MYH11: variants seen among roughly 807,000 people sequenced by gnomAD.
MYH11 encodes the protein myosin-11.
Under a neutral mutation model 246.6 loss-of-function variants are expected in MYH11, and 80 were observed. That is an observed-to-expected ratio of 0.32 (90% CI 0.27 to 0.39). The LOEUF is 0.39. Among genes scored for constraint, MYH11 ranks in the 10% least tolerant of loss-of-function variants. MYH11 has a pLI of 1.00. For synonymous variants in MYH11, 1,071 were observed against 1,015.5 expected, an observed-to-expected ratio of 1.05 and a Z score of -1.04; for missense variants, 2,158 against 2,546.8, an observed-to-expected ratio of 0.85 and a Z score of 3.29.
At chr16:15,803,345 T>C (rs999174950) in intron 3 of MYH11, among the ~76,000 whole-genome samples, 55 of 151,300 alleles carry the variant, frequency 3.6e-4, no homozygotes, top group Admixed American at 7.2e-4. Context: ...GGCTCGATCT[T>C]GGCTCACTGC....
At chr16:15,761,705 G>A (rs1197493210) in intron 10 of MYH11, among the ~76,000 whole-genome samples, 2 of 151,964 alleles carry the variant, frequency 1.3e-5, no homozygotes, top group African/African-American at 4.8e-5. Context: ...GTGATTTTAG[G>A]ATTTTTTTTT....
At chr16:15,804,640 A>C (rs1463120143) in intron 3 of MYH11, among the ~76,000 whole-genome samples, 3 of 152,220 alleles carry the variant, frequency 2.0e-5, no homozygotes, top group African/African-American at 4.8e-5. Flanking sequence ...TGTCACCCCC[A>C]AATGAAACCC....
intron 14 of MYH11, among the ~76,000 whole-genome samples, chr16:15,754,463 T>C (rs545574133): frequency 1.3e-5 from 2 of 152,080 alleles, no homozygotes; most frequent in Non-Finnish European, 2.9e-5. Flanking sequence ...ATCAGGATAA[T>C]AGGTAGGCTT....
At chr16:15,754,654 TTTTGTTTG>T (rs890905305) in intron 14 of MYH11, among the ~76,000 whole-genome samples, 1 of 152,042 alleles carries the variant, frequency 6.6e-6, no homozygotes, top group African/African-American at 2.4e-5. Flanking sequence ...TCATACAATG[TTTTGTTTG>T]TTTGTTTGTT....
chr16:15,750,026 G>T lies in MYH11; in HGVS notation c.2058+112C>A. ...GAGATTCAGATAGCCTTCCCCACAT[G>T]GAAAATGGGGTCCTCGGGGTAGGTG... On this transcript the variant is annotated intron_variant, in intron 16 of 40. Coordinates refer to ENST00000300036, the MANE Select transcript of MYH11 (RefSeq NM_002474.3). This position sits in a 1 kb window ranked among gnomAD's most constrained non-coding sequence, Gnocchi z 4.3. 1 of 1,305,536 alleles carries T rather than the reference G, an allele frequency of 7.7e-7. No homozygotes were observed. Among genetic ancestry groups the T allele is most frequent in the Non-Finnish European group, 1.1e-6 (1 of 925,958 alleles). The allele number at this position is 1,305,536 out of a possible 1,614,324, so 80.9% of individuals were successfully genotyped here. A position where few individuals can be genotyped will look rare whatever the true frequency, so the allele number is the denominator to read the frequency against.
intron 5 of MYH11, chr16:15,786,234 G>A (rs2042465417): frequency 1.4e-5 from 5 of 369,522 alleles, no homozygotes; most frequent in Non-Finnish European, 2.6e-5. Context: ...GAAGGGGGCT[G>A]TCGGCATCTG....
In MYH11 at chr16:15,719,575, G is replaced by A. The variant is rs775737495; in HGVS notation, c.5082+10C>T. ...GCATCTGAGGCTCTCCTAGCAAGGC[G>A]AGGCTTTACCTCTTGTAGCTGCATG... On this transcript the variant is annotated intron_variant, in intron 35 of 40. Transcript: ENST00000300036. 17 of 1,613,890 alleles carry A rather than the reference G, an allele frequency of 1.1e-5. No individual in the cohort carries two copies. Among genetic ancestry groups the A allele is most frequent in the South Asian group, 3.3e-5 (3 of 91,076 alleles).
Position 15,740,162 on chromosome 16 carries a change from C to T in MYH11, c.2886G>A (p.Glu962=), listed in dbSNP as rs764759988. The T allele has an allele frequency of 9.3e-6, 15 of 1,614,040 alleles. No homozygotes were observed. The Admixed American group carries it at 1.3e-4, about 14-fold the overall frequency. ...GTTGCAGCTTCTGCCTGGCAGCTTC[C>T]TCCTCCTCCAGCTGTTCTTCAAGGT... ...MLDLEEQLEE[E]EAARQKLQLE... is the part of the protein sequence containing the mutation. The change falls in exon 23 of 41, where the codon GAG becomes GAA. Residue 962 remains glutamate (E), a synonymous_variant. Transcript: ENST00000300036.
chr16:15,825,878 C>T (rs1024108658), intron 2 of MYH11, among the ~76,000 whole-genome samples: 1 of 152,040 alleles, frequency 6.6e-6, no homozygotes, highest in Non-Finnish European at 1.5e-5. Context: ...TTTCCCCAAA[C>T]GATAAACATC....
At chr16:15,725,074 T>C (rs1386232369) in intron 28 of MYH11, 82 bp from the exon 29 acceptor site, 2 of 1,120,814 alleles carry the variant, frequency 1.8e-6, no homozygotes, top group Non-Finnish European at 2.6e-6. Context: ...TCAAAACACA[T>C]GGGCTAGTAC....
Position 15,703,211 on chromosome 16 carries a change from C to T in MYH11, c.*780G>A, listed in dbSNP as rs2039279970. ...TGTAAACAGTGCAGCATTCCTGCTC[C>T]CCTCCGTGGGAGCAGCGTCTCCTTT... On this transcript the variant is annotated 3_prime_UTR_variant, in exon 41 of 41. Coordinates refer to ENST00000300036, the MANE Select transcript of MYH11 (RefSeq NM_002474.3). 4.8e-6 allele frequency: 1 copy of T among 208,348 alleles called. No homozygotes were observed. Among genetic ancestry groups the T allele is most frequent in the Non-Finnish European group, 9.8e-6 (1 of 102,290 alleles). 12.9% of individuals were successfully genotyped at this position (208,348 alleles called of 1,614,324 possible). A position where few individuals can be genotyped will look rare whatever the true frequency, so the allele number is the denominator to read the frequency against.
chr16:15,720,387 A>T (rs1379017839), intron 33 of MYH11, 75 bp from the exon 34 acceptor site: 29 of 1,539,652 alleles, frequency 1.9e-5, no homozygotes, highest in Non-Finnish European at 2.6e-5. Flanking sequence ...GCAGCACATC[A>T]CTGCACCCCT....
At chr16:15,741,734 C>A in intron 21 of MYH11, 26 bp downstream of exon 21, 1 of 1,614,160 alleles carries the variant, frequency 6.2e-7, no homozygotes, top group South Asian at 1.1e-5. Context: ...TCCCCAGCAA[C>A]CCCAGCCATG....
At chr16:15,797,884 G>T (rs987709777) in intron 4 of MYH11, among the ~76,000 whole-genome samples, 1 of 151,814 alleles carries the variant, frequency 6.6e-6, no homozygotes, top group African/African-American at 2.4e-5. Context: ...GTGGCTTTTT[G>T]TTAGTTATTT....
intron 3 of MYH11, among the ~76,000 whole-genome samples, chr16:15,805,267 A>G (rs543581373): frequency 2.2e-4 from 33 of 152,302 alleles, no homozygotes; most frequent in African/African-American, 7.9e-4. Flanking sequence ...AAGTGCTTTG[A>G]GAAAACGGTG....
In MYH11 at chr16:15,717,222, CG is replaced by C; in HGVS notation, c.5421del (p.Val1808SerfsTer37). 6.2e-7 allele frequency: 1 copy of C among 1,614,172 alleles called. No individual in the cohort carries two copies. The highest frequency in any genetic ancestry group is 8.5e-7 in the Non-Finnish European group (1 of 1,180,036). On this transcript the variant is annotated frameshift_variant, in exon 38 of 41. Transcript: ENST00000300036. LOFTEE classifies it high-confidence loss of function. ...LRSKLHEMEG[A>X]VKSKFKSTIA... is the part of the protein sequence containing the mutation. ...ATGGTGGACTTGAACTTGGACTTGA[CG>C]GCCCCCTCCATCTCGTGGAGCTTGC...
intron 1 of MYH11, among the ~76,000 whole-genome samples, chr16:15,844,439 C>T (rs1047903167): frequency 6.6e-6 from 1 of 152,172 alleles, no homozygotes; most frequent in African/African-American, 2.4e-5. Flanking sequence ...CTCAGGTGAT[C>T]TACCGGCCTT....
intron 1 of MYH11, among the ~76,000 whole-genome samples, chr16:15,856,078 G>A (rs1168085041): frequency 3.3e-5 from 5 of 152,130 alleles, no homozygotes; most frequent in East Asian, 1.9e-4. Context: ...GGTTGGGCAC[G>A]AGAGTGGCAT....
chr16:15,744,948 T>C (rs371235049), intron 20 of MYH11, among the ~76,000 whole-genome samples, 181 bp downstream of exon 20: 39 of 152,348 alleles, frequency 2.6e-4, no homozygotes, highest in African/African-American at 9.4e-4. Context: ...GTCCTGGCTA[T>C]AGCCTATGTG....
Sources: allele counts gnomAD v4.1 joint callset (sites outside exome capture counted in the v4.1 genomes callset), GRCh38; gene constraint gnomAD v4.1.1; non-coding constraint Gnocchi (gnomAD v3.1); transcripts MANE v1.5; gene names NCBI Gene and HGNC (gene_info 2026-07-23, HGNC 2026-07-21).